CADPS2: variants seen among roughly 807,000 people sequenced by gnomAD.
CADPS2 encodes calcium dependent secretion activator 2.
Under a neutral mutation model 172.5 loss-of-function variants are expected in CADPS2, and 93 were observed. That is an observed-to-expected ratio of 0.54 (90% CI 0.46 to 0.64). CADPS2 has a LOEUF of 0.64. Ranked by LOEUF, CADPS2 falls within the 30% of genes least tolerant of loss-of-function variation. CADPS2 has a pLI of 0.00. For synonymous variants in CADPS2, 546 were observed against 555.2 expected (o/e 0.98, Z 0.23); for missense variants, 1,420 against 1,565.9 (o/e 0.91, Z 1.57).
At chr7:122,621,794 A>G (rs370693639) in intron 4 of CADPS2, 77 bp from the exon 5 acceptor site, 3 of 787,206 alleles carry the variant, frequency 3.8e-6, no homozygotes. Context: ...TATGATATAT[A>G]TACTTCACTG....
At chr7:122,866,195 GCA>G (rs889869668) in intron 1 of CADPS2, among the ~76,000 whole-genome samples, 1 of 152,052 alleles carries the variant, frequency 6.6e-6, no homozygotes, top group African/African-American at 2.4e-5. Context: ...TCTCAAAATA[GCA>G]CAGTTTCACC....
intron 1 of CADPS2, among the ~76,000 whole-genome samples, chr7:122,851,371 A>G (rs545676369): frequency 1.4e-4 from 21 of 152,258 alleles, no homozygotes; most frequent in African/African-American, 5.1e-4. Context: ...CTGGCTCAGG[A>G]AAGTCCACAG....
intron 6 of CADPS2, among the ~76,000 whole-genome samples, chr7:122,589,320 T>C (rs965946029): frequency 6.6e-6 from 1 of 151,826 alleles, no homozygotes; most frequent in Non-Finnish European, 1.5e-5. Context: ...ACAAAAAGCC[T>C]GATTATCAAT....
intron 8 of CADPS2, among the ~76,000 whole-genome samples, chr7:122,543,467 T>A (rs187074495): frequency 1.3e-5 from 2 of 152,228 alleles, no homozygotes; most frequent in Admixed American, 1.3e-4. Flanking sequence ...AATTTACTCA[T>A]TTATTGAGTC....
At chr7:122,834,331 T>C (rs988274402) in intron 1 of CADPS2, among the ~76,000 whole-genome samples, 6 of 152,114 alleles carry the variant, frequency 3.9e-5, no homozygotes, top group Admixed American at 1.3e-4. Flanking sequence ...GATGGCTGAA[T>C]AGGAACAGCT....
rs935582433 is a variant in CADPS2 at position 122,329,030 on chromosome 7, C to T, written c.3613-3449G>A. 1.2e-4 allele frequency among the ~76,000 whole-genome samples: 18 copies of T among 152,050 alleles called. 1 individual carries two copies. The highest frequency in any genetic ancestry group is 7.2e-4 in the Admixed American group (11 of 15,266). On this transcript the variant is annotated intron_variant, in intron 28 of 29. Coordinates refer to ENST00000449022, the MANE Select transcript of CADPS2 (RefSeq NM_017954.11). ...GAAAGAGTGTTGAAATATTGAGAAG[C>T]GCAGCACTTGTGCATTTTTAATAAC...
intron 10 of CADPS2, 137 bp downstream of exon 10, chr7:122,491,175 A>C (rs1247187717): frequency 2.2e-6 from 1 of 454,464 alleles, no homozygotes; most frequent in East Asian, 3.4e-5. Flanking sequence ...GAATCTCATA[A>C]AGTCTTGCCC....
At chr7:122,732,838 TTATA>T (rs1236792952) in intron 2 of CADPS2, among the ~76,000 whole-genome samples, 1 of 144,240 alleles carries the variant, frequency 6.9e-6, no homozygotes, top group South Asian at 2.1e-4. Flanking sequence ...ATAATATACA[TTATA>T]TATGCTATGT....
At chr7:122,824,358 C>T (rs7787644) in intron 1 of CADPS2, among the ~76,000 whole-genome samples, 2,467 of 152,276 alleles carry the variant, frequency 0.016, 64 homozygotes, top group African/African-American at 0.056. Flanking sequence ...ACACAACTCT[C>T]ATATAGGCAC....
At chr7:122,762,056 ACG>A (rs1242065142) in intron 1 of CADPS2, among the ~76,000 whole-genome samples, 7 of 133,604 alleles carry the variant, frequency 5.2e-5, no homozygotes, top group African/African-American at 1.6e-4. Context: ...ACACACACAC[ACG>A]TATATTTATG....
chr7:122,573,040 A>G (rs965813818), intron 7 of CADPS2, among the ~76,000 whole-genome samples: 1 of 152,056 alleles, frequency 6.6e-6, no homozygotes, highest in Non-Finnish European at 1.5e-5. Flanking sequence ...CATTTCACAA[A>G]CCTACAGGTT....
chr7:122,840,761 C>G (rs1810247788), intron 1 of CADPS2, among the ~76,000 whole-genome samples: 1 of 151,908 alleles, frequency 6.6e-6, no homozygotes, highest in Admixed American at 6.6e-5. Context: ...AAAAAGAAGC[C>G]CACTATCACC....
At chr7:122,589,758 A>G (rs2070443626) in intron 6 of CADPS2, among the ~76,000 whole-genome samples, 1 of 151,918 alleles carries the variant, frequency 6.6e-6, no homozygotes, top group African/African-American at 2.4e-5. Context: ...ACTGTTGTAT[A>G]AACTATGAAA....
At chr7:122,626,415 T>G (rs763616562) in intron 4 of CADPS2, among the ~76,000 whole-genome samples, 1 of 152,188 alleles carries the variant, frequency 6.6e-6, no homozygotes, top group Non-Finnish European at 1.5e-5. Context: ...AAGTTTTGCA[T>G]GAGGTATGAG....
chr7:122,402,958 C>T (rs1391735814), intron 20 of CADPS2, among the ~76,000 whole-genome samples: 2 of 151,960 alleles, frequency 1.3e-5, no homozygotes, highest in African/African-American at 4.8e-5. Flanking sequence ...ATGCCATGGC[C>T]GCAATGTAAG....
intron 1 of CADPS2, among the ~76,000 whole-genome samples, chr7:122,869,188 C>T (rs1036307578): frequency 6.6e-6 from 1 of 151,972 alleles, no homozygotes. Context: ...AATTAGAAAT[C>T]CAGATCCAAG....
chr7:122,367,825 A>G (rs2041176175), intron 25 of CADPS2, among the ~76,000 whole-genome samples: 1 of 150,130 alleles, frequency 6.7e-6, no homozygotes, highest in African/African-American at 2.5e-5. Flanking sequence ...TCAAGTGTCA[A>G]TAGGGTTGAG....
rs747680979 is a variant in CADPS2, at chr7:122,490,240, CT to C, written c.1692del (p.Gly565GlufsTer4). 6.2e-7 allele frequency: 1 copy of C among 1,613,084 alleles called. No homozygotes were observed. Reference protein sequence around the residue: ...GGCMFFNAVKEGDTVIFASDD... With the variant: ...GGCMFFNAVKXGDTVIFASDD... The stretch of plus-strand genomic sequence containing the variant: ...TCACTGGCAAAGATTACAGTATCTC[CT>C]TCTTTAACAGCATTAAAGAACATAC... On this transcript the variant is annotated frameshift_variant, in exon 11 of 30. Coordinates refer to ENST00000449022, the MANE Select transcript of CADPS2 (RefSeq NM_017954.11). LOFTEE classifies it high-confidence loss of function.
At chr7:122,811,206 A>G (rs1799952824) in intron 1 of CADPS2, among the ~76,000 whole-genome samples, 1 of 152,226 alleles carries the variant, frequency 6.6e-6, no homozygotes, top group South Asian at 2.1e-4. Flanking sequence ...TCTTCTAGTA[A>G]CACCCTGTAA....
Sources: allele counts gnomAD v4.1 joint callset (sites outside exome capture counted in the v4.1 genomes callset), GRCh38; gene constraint gnomAD v4.1.1; transcripts MANE v1.5; gene names NCBI Gene and HGNC (gene_info 2026-07-23, HGNC 2026-07-21).